The following RAI1 variants were observed in gnomAD, a reference collection of about 807,000 sequenced individuals.
RAI1 encodes the protein retinoic acid-induced protein 1.
RAI1 carries 9 observed loss-of-function variants against 123.8 expected under a neutral mutation model. The observed-to-expected ratio is 0.07, with a 90% CI of 0.04 to 0.13. The LOEUF (loss-of-function observed/expected upper bound fraction) is 0.13, where lower values mean the gene tolerates loss of function less well. Ranked by LOEUF, RAI1 falls within the 10% of genes least tolerant of loss-of-function variation. The pLI is 1.00. For missense variants in RAI1, 2,256 were observed against 2,545.8 expected (o/e 0.89, Z 2.45); for synonymous variants, 1,231 against 1,127.3 (o/e 1.09, Z -1.84).
At chr17:17,762,081 C>T (rs1386719574) in intron 2 of RAI1, among the ~76,000 whole-genome samples, 1 of 152,172 alleles carries the variant, frequency 6.6e-6, no homozygotes, top group African/African-American at 2.4e-5. Flanking sequence ...ATTGGGCATG[C>T]GTGTGTCTGC....
intron 1 of RAI1, among the ~76,000 whole-genome samples, chr17:17,722,474 C>T (rs1476611666): frequency 3.3e-5 from 5 of 152,222 alleles, no homozygotes; most frequent in Non-Finnish European, 7.4e-5. Flanking sequence ...GGGGCCCGCG[C>T]CACCTCCGCC....
chr17:17,722,458 C>T (rs1209008795), intron 1 of RAI1, among the ~76,000 whole-genome samples: 1 of 152,318 alleles, frequency 6.6e-6, no homozygotes, highest in African/African-American at 2.4e-5. Flanking sequence ...GGGACTGCAG[C>T]GAAGAGGGGC....
At chr17:17,764,441 A>C (rs1474621606) in intron 2 of RAI1, among the ~76,000 whole-genome samples, 1 of 150,562 alleles carries the variant, frequency 6.6e-6, no homozygotes, top group Admixed American at 6.6e-5. Context: ...TTTCACAGAC[A>C]TGAAACCTTT....
At chr17:17,691,949 A>G (rs1914851890) in intron 1 of RAI1, among the ~76,000 whole-genome samples, 1 of 152,192 alleles carries the variant, frequency 6.6e-6, no homozygotes, top group South Asian at 2.1e-4. Flanking sequence ...AAACACAGAT[A>G]GGGGTGAGGG....
At chr17:17,785,435 T>A in intron 2 of RAI1, among the ~76,000 whole-genome samples, 1 of 151,966 alleles carries the variant, frequency 6.6e-6, no homozygotes, top group South Asian at 2.2e-4. Context: ...GAGCTTAGGG[T>A]CAAACAGAGG....
intron 3 of RAI1, among the ~76,000 whole-genome samples, chr17:17,798,842 C>T (rs557886881): frequency 9.9e-5 from 15 of 152,194 alleles, no homozygotes; most frequent in South Asian, 4.1e-4. Context: ...ATGCTGTCAC[C>T]GGAGATGCCA....
intron 1 of RAI1, among the ~76,000 whole-genome samples, chr17:17,691,627 C>T (rs1914839182): frequency 1.3e-5 from 2 of 152,150 alleles, no homozygotes; most frequent in South Asian, 4.1e-4. Context: ...GGCTACCAGG[C>T]ACCTGGTGTG....
chr17:17,693,624 C>T (rs1914911969), intron 1 of RAI1, among the ~76,000 whole-genome samples: 1 of 152,254 alleles, frequency 6.6e-6, no homozygotes, highest in South Asian at 2.1e-4. Flanking sequence ...GCCCCTCCTT[C>T]CCTTCAGCTG....
chr17:17,702,089 A>G (rs1222671733), intron 1 of RAI1, among the ~76,000 whole-genome samples: 1 of 152,230 alleles, frequency 6.6e-6, no homozygotes, highest in Non-Finnish European at 1.5e-5. Flanking sequence ...AGTGTGAGCT[A>G]ATTGGCAGGA....
At chr17:17,785,364 CTGTT>C (rs1381385043) in intron 2 of RAI1, among the ~76,000 whole-genome samples, 1 of 152,214 alleles carries the variant, frequency 6.6e-6, no homozygotes, top group Non-Finnish European at 1.5e-5. Flanking sequence ...TCCATCTCAT[CTGTT>C]TATTTATCCA....
At chr17:17,764,837 A>G (rs2030856190) in intron 2 of RAI1, among the ~76,000 whole-genome samples, 1 of 152,216 alleles carries the variant, frequency 6.6e-6, no homozygotes, top group Non-Finnish European at 1.5e-5. Flanking sequence ...CTATCTGCTT[A>G]CCTCGGCCTC....
chr17:17,769,325 G>A (rs1237414922), intron 2 of RAI1, among the ~76,000 whole-genome samples: 1 of 152,232 alleles, frequency 6.6e-6, no homozygotes, highest in African/African-American at 2.4e-5. Context: ...AGGGAGACAA[G>A]GTGAGGCTGT....
chr17:17,803,725 G>C (rs2032535459), intron 3 of RAI1, 31 bp from the exon 4 acceptor site: 1 of 1,596,226 alleles, frequency 6.3e-7, no homozygotes, highest in South Asian at 1.1e-5. Flanking sequence ...TCCAACTGGA[G>C]ACTCACCTGC....
At chr17:17,734,569 T>C (rs1442536604) in intron 2 of RAI1, among the ~76,000 whole-genome samples, 1 of 152,254 alleles carries the variant, frequency 6.6e-6, no homozygotes, top group Non-Finnish European at 1.5e-5. Context: ...CCAAGGCCGC[T>C]GGGAATGGGG....
At chr17:17,683,803 C>T (rs1266870949) in intron 1 of RAI1, 2 of 152,236 alleles carry the variant, frequency 1.3e-5, no homozygotes, top group African/African-American at 2.4e-5. Context: ...AAAGGGAACT[C>T]AGGGGTACTG....
chr17:17,683,725 C>T (rs1330352875), intron 1 of RAI1: 1 of 152,226 alleles, frequency 6.6e-6, no homozygotes, highest in African/African-American at 2.4e-5. Flanking sequence ...GCCCCAGAAG[C>T]CAACTGTGGA....
chr17:17,781,596 G>A (rs1035739319), intron 2 of RAI1, among the ~76,000 whole-genome samples: 2 of 152,168 alleles, frequency 1.3e-5, no homozygotes, highest in African/African-American at 4.8e-5. Flanking sequence ...GGGAGGGAGG[G>A]GTCTGGGTGA....
chr17:17,787,334 C>T (rs2031859084), intron 2 of RAI1, among the ~76,000 whole-genome samples: 1 of 152,244 alleles, frequency 6.6e-6, no homozygotes, highest in African/African-American at 2.4e-5. Flanking sequence ...GGCCACCAGA[C>T]CCTTGCCCTG....
chr17:17,810,970 G>T lies in RAI1; in HGVS notation c.*989G>T, dbSNP rs1235899774. On this transcript the variant is annotated 3_prime_UTR_variant, in exon 6 of 6. Coordinates refer to ENST00000353383, the MANE Select transcript of RAI1 (RefSeq NM_030665.4). This position sits in a 1 kb window ranked among gnomAD's most constrained non-coding sequence, Gnocchi z 4.6. ...AACATGCTCGCTTCTCCCGTGTGTC[G>T]CCGCCGTGCGTCGTGCGCCCGCAAC... is the stretch of plus-strand genomic sequence containing the variant. 3 of 323,394 alleles carry T rather than the reference G, an allele frequency of 9.3e-6. No individual in the cohort carries two copies. Among genetic ancestry groups the T allele is most frequent in the Non-Finnish European group, 1.9e-5 (3 of 158,434 alleles). The allele number at this position is 323,394 out of a possible 1,614,324, so 20.0% of individuals were successfully genotyped here. A position where few individuals can be genotyped will look rare whatever the true frequency, so the allele number is the denominator to read the frequency against.
Sources: allele counts gnomAD v4.1 joint callset (sites outside exome capture counted in the v4.1 genomes callset), GRCh38; gene constraint gnomAD v4.1.1; non-coding constraint Gnocchi (gnomAD v3.1); transcripts MANE v1.5; gene names NCBI Gene and HGNC (gene_info 2026-07-23, HGNC 2026-07-21).